Variants in VCAN observed in about 807,000 individuals in gnomAD.
VCAN encodes the protein versican core protein.
A neutral mutation model predicts 245.5 loss-of-function variants in VCAN; 44 were observed. The observed-to-expected ratio is 0.18, with a 90% CI of 0.14 to 0.23. VCAN has a LOEUF of 0.23. VCAN is among the 10% of genes least tolerant of loss of function. The pLI, the probability that VCAN is intolerant of heterozygous loss-of-function variation, is 1.00. For synonymous variants in VCAN, 1,413 were observed against 1,437.0 expected (o/e 0.98, Z 0.38); for missense variants, 3,793 against 4,057.9 (o/e 0.93, Z 1.77).
chr5:83,509,125 GA>G (rs1227092754), intron 5 of VCAN, among the ~76,000 whole-genome samples: 1 of 152,000 alleles, frequency 6.6e-6, no homozygotes, highest in Non-Finnish European at 1.5e-5. Context: ...AAGAAAGAAA[GA>G]AATGGCATTA....
chr5:83,556,427 C>T (rs1747668944), intron 12 of VCAN, among the ~76,000 whole-genome samples: 2 of 152,170 alleles, frequency 1.3e-5, no homozygotes, highest in African/African-American at 4.8e-5. Flanking sequence ...TCTGTCACCA[C>T]TGTTTATGTT....
intron 5 of VCAN, among the ~76,000 whole-genome samples, chr5:83,497,158 T>A (rs560925215): frequency 3.3e-5 from 5 of 152,286 alleles, no homozygotes; most frequent in Non-Finnish European, 5.9e-5. Context: ...TTCCAGATGG[T>A]CTGATGAAAA....
intron 7 of VCAN, among the ~76,000 whole-genome samples, chr5:83,535,005 A>G (rs1746653525): frequency 6.6e-6 from 1 of 152,060 alleles, no homozygotes; most frequent in South Asian, 2.1e-4. Context: ...CTAATATTGA[A>G]GAAACCTAGT....
chr5:83,490,133 C>A lies in VCAN; in HGVS notation c.106C>A (p.Leu36Ile), dbSNP rs777022702. 1 of 1,614,146 alleles carries A rather than the reference C, an allele frequency of 6.2e-7. No individual in the cohort carries two copies. Among genetic ancestry groups the A allele is most frequent in the Non-Finnish European group, 8.5e-7 (1 of 1,180,024 alleles). The change falls in exon 3 of 15, where the codon CTC (leucine) becomes ATC (isoleucine). Residue 36 changes from leucine (L) to isoleucine (I), a missense_variant. Physicochemically the swap from Leu to Ile is conservative, Grantham distance 5 (BLOSUM62 2). Transcript: ENST00000265077. ...AAAAAGCCCACCGGTGAGGGGCTCC[C>A]TCTCTGGAAAAGTCAGCCTACCTTG... ...VGKSPPVRGS[L>I]SGKVSLPCHF...
rs758657566 is a variant in VCAN at position 83,553,385 on chromosome 5, G to C, written c.9515G>C (p.Gly3172Ala). ...CEQDTETCDY[G>A]WHKFQGQCYK... ...TCAGATACCGAGACATGTGACTATG[G>C]CTGGCACAAATTCCAAGGGCAGTGC... The change falls in exon 11 of 15, where the codon GGC becomes GCC. Residue 3172 changes from glycine to alanine, a missense_variant. Gly to Ala is a moderately conservative substitution (Grantham distance 60). Around this residue, in one of 5 missense-constraint regions of VCAN, gnomAD observed 205 missense variants for 321.1 expected, o/e 0.64. Transcript: ENST00000265077. 1 of 1,613,986 alleles carries C rather than the reference G, an allele frequency of 6.2e-7. No homozygotes were observed. Among genetic ancestry groups the C allele is most frequent in the Admixed American group, 1.7e-5 (1 of 60,004 alleles).
At chr5:83,516,618 G>A (rs1181531433) in intron 6 of VCAN, among the ~76,000 whole-genome samples, 1 of 152,206 alleles carries the variant, frequency 6.6e-6, no homozygotes, top group African/African-American at 2.4e-5. Flanking sequence ...GAACTTTTGT[G>A]GGAAAAGAAT....
At chr5:83,571,106 T>C (rs774865403) in intron 12 of VCAN, among the ~76,000 whole-genome samples, 28 of 152,166 alleles carry the variant, frequency 1.8e-4, no homozygotes, top group Admixed American at 9.8e-4. Context: ...CTAGACATGA[T>C]AAAGCATGAG....
At chr5:83,566,874 G>A (rs569827612) in intron 12 of VCAN, among the ~76,000 whole-genome samples, 7 of 152,158 alleles carry the variant, frequency 4.6e-5, no homozygotes, top group Non-Finnish European at 1.0e-4. Flanking sequence ...TTTAGAGTTC[G>A]ATAGACTTCA....
At chr5:83,523,781 T>A (rs1164804611) in intron 7 of VCAN, among the ~76,000 whole-genome samples, 1 of 152,144 alleles carries the variant, frequency 6.6e-6, no homozygotes, top group Non-Finnish European at 1.5e-5. Flanking sequence ...ACATATTTCC[T>A]CTTTTCTACA....
chr5:83,549,903 G>T (rs1308473995), intron 10 of VCAN, among the ~76,000 whole-genome samples: 2 of 152,122 alleles, frequency 1.3e-5, no homozygotes, highest in African/African-American at 2.4e-5. Flanking sequence ...CAGCAGCTTT[G>T]TTGTCTAAAC....
At chr5:83,578,021 G>C (rs1321198677) in intron 13 of VCAN, among the ~76,000 whole-genome samples, 1 of 152,098 alleles carries the variant, frequency 6.6e-6, no homozygotes, top group African/African-American at 2.4e-5. Context: ...TTGAATTATT[G>C]AATTGATCAT....
chr5:83,498,778 G>C (rs776183988), intron 5 of VCAN, among the ~76,000 whole-genome samples: 1 of 151,982 alleles, frequency 6.6e-6, no homozygotes, highest in Non-Finnish European at 1.5e-5. Flanking sequence ...TTTGGTTTTG[G>C]TTGTCACAAA....
chr5:83,494,627 A>G (rs892420887), intron 5 of VCAN, among the ~76,000 whole-genome samples: 2 of 152,210 alleles, frequency 1.3e-5, no homozygotes, highest in Non-Finnish European at 2.9e-5. Flanking sequence ...TAGTACCGAC[A>G]TTATCTAAAG....
In VCAN at chr5:83,520,598, A is replaced by G; in HGVS notation, c.2292A>G (p.Arg764=). 2 of 1,614,080 alleles carry G rather than the reference A, an allele frequency of 1.2e-6. No individual in the cohort carries two copies. Among genetic ancestry groups the G allele is most frequent in the Non-Finnish European group, 1.7e-6 (2 of 1,180,000 alleles). ...TKLSAEPTEV[R]DMEEDFTATP... is the part of the protein sequence containing the mutation. ...TAAGTGCAGAGCCAACAGAAGTAAG[A>G]GATATGGAGGAAGACTTTACAGCAA... is the stretch of plus-strand genomic sequence containing the variant. The change falls in exon 7 of 15, where the codon AGA becomes AGG. Residue 764 remains arginine (R), a synonymous_variant. Transcript: ENST00000265077.
intron 12 of VCAN, among the ~76,000 whole-genome samples, chr5:83,561,545 A>G (rs918778467): frequency 6.6e-6 from 1 of 152,074 alleles, no homozygotes; most frequent in East Asian, 1.9e-4. Flanking sequence ...TCCAACACCC[A>G]CTTGTCCCCC....
chr5:83,496,591 G>T (rs1352715772), intron 5 of VCAN, among the ~76,000 whole-genome samples: 1 of 152,186 alleles, frequency 6.6e-6, no homozygotes, highest in East Asian at 1.9e-4. Flanking sequence ...AATTCTGGAG[G>T]ATATTCAGCA....
chr5:83,515,836 C>T (rs1052017600), intron 6 of VCAN, among the ~76,000 whole-genome samples: 2 of 152,210 alleles, frequency 1.3e-5, no homozygotes, highest in African/African-American at 2.4e-5. Flanking sequence ...AATCTGACCA[C>T]ATGTGCCAAA....
At chr5:83,573,830 A>G (rs1285162092) in intron 13 of VCAN, among the ~76,000 whole-genome samples, 3 of 152,206 alleles carry the variant, frequency 2.0e-5, no homozygotes, top group Non-Finnish European at 2.9e-5. Context: ...TTTTCACAAG[A>G]TTGATGAAGA....
At chr5:83,536,508 G>C (rs1053168859) in intron 7 of VCAN, 1 of 152,700 alleles carries the variant, frequency 6.5e-6, no homozygotes, top group African/African-American at 2.4e-5. Flanking sequence ...TTATTGAATA[G>C]AGAGTGTATA....
Sources: allele counts gnomAD v4.1 joint callset (sites outside exome capture counted in the v4.1 genomes callset), GRCh38; gene constraint gnomAD v4.1.1; regional missense constraint gnomAD v4.1.1; transcripts MANE v1.5; gene names NCBI Gene and HGNC (gene_info 2026-07-23, HGNC 2026-07-21).